Variants in EYS observed in about 807,000 individuals in gnomAD.
EYS encodes protein eyes shut homolog.
Under a neutral mutation model 282.1 loss-of-function variants are expected in EYS, and 250 were observed. The observed-to-expected ratio is 0.89, with a 90% CI of 0.80 to 0.98. The LOEUF is 0.98. EYS is among the 50% of genes least tolerant of loss of function. The probability of loss-of-function intolerance (pLI) is 0.00; values close to 1 mark genes in which losing one functional copy is unlikely to be tolerated. For synonymous variants in EYS, 1,355 were observed against 1,282.9 expected, an observed-to-expected ratio of 1.06 and a Z score of -1.20; for missense variants, 4,016 against 3,709.0, an observed-to-expected ratio of 1.08 and a Z score of -2.15.
intron 36 of EYS, among the ~76,000 whole-genome samples, chr6:63,854,157 A>G (rs925993125): frequency 3.3e-5 from 5 of 152,176 alleles, no homozygotes; most frequent in African/African-American, 1.2e-4. Flanking sequence ...ATGCATACCT[A>G]TGTTCATTGC....
intron 11 of EYS, among the ~76,000 whole-genome samples, chr6:65,334,160 C>T (rs1376318569): frequency 1.3e-5 from 2 of 151,396 alleles, no homozygotes; most frequent in African/African-American, 4.8e-5. Flanking sequence ...TTTTGTTTTC[C>T]ACATGTCTTA....
At chr6:64,859,880 C>A (rs975169765) in intron 19 of EYS, among the ~76,000 whole-genome samples, 2 of 152,158 alleles carry the variant, frequency 1.3e-5, no homozygotes, top group Non-Finnish European at 2.9e-5. Flanking sequence ...AGATTCAGTG[C>A]AAGCCCTATA....
intron 2 of EYS, among the ~76,000 whole-genome samples, chr6:65,621,663 T>A (rs1269894897): frequency 2.6e-5 from 4 of 152,128 alleles, no homozygotes; most frequent in Non-Finnish European, 5.9e-5. Flanking sequence ...GGTCTTTACA[T>A]TTTGGCATGA....
rs1253035778 is a variant in EYS at position 63,727,727 on chromosome 6, A to ATAT, written c.8072-1048_8072-1047insATA. ...CTCTCAAAAAAAAAAAAAAAAAAAA[A>ATAT]AAAAAAAAAAATATATATATATATG... On this transcript the variant is annotated intron_variant, in intron 41 of 42. Transcript: ENST00000503581. Among the ~76,000 whole-genome samples the ATAT allele has an allele frequency of 1.8e-3, 112 of 61,644 alleles. 7 individuals carry two copies. Among genetic ancestry groups the ATAT allele is most frequent in the African/African-American group, 0.014 (106 of 7,840 alleles). The allele number at this position is 61,644 out of a possible 152,430, so 40.4% of individuals were successfully genotyped here.
intron 19 of EYS, among the ~76,000 whole-genome samples, chr6:64,870,367 G>C (rs1766553326): frequency 6.7e-6 from 1 of 150,126 alleles, no homozygotes; most frequent in African/African-American, 2.4e-5. Flanking sequence ...TACAGAGTCA[G>C]CTTACAACAA....
chr6:65,193,265 G>C (rs891148590), intron 12 of EYS, among the ~76,000 whole-genome samples: 22 of 151,996 alleles, frequency 1.4e-4, no homozygotes, highest in African/African-American at 5.3e-4. Context: ...CAGGTTCACA[G>C]TGCTAGTAAT....
At chr6:64,425,124 G>A (rs1774358854) in intron 28 of EYS, among the ~76,000 whole-genome samples, 1 of 152,116 alleles carries the variant, frequency 6.6e-6, no homozygotes, top group Non-Finnish European at 1.5e-5. Flanking sequence ...CGTGTGAGAG[G>A]GAGGAAGTCA....
intron 36 of EYS, among the ~76,000 whole-genome samples, chr6:63,829,309 C>T (rs1771559465): frequency 6.6e-6 from 1 of 152,178 alleles, no homozygotes; most frequent in Admixed American, 6.5e-5. Flanking sequence ...ATTCCCTTTC[C>T]CAGCAAAGGG....
chr6:64,675,310 C>A (rs62418019), intron 22 of EYS, among the ~76,000 whole-genome samples: 16,916 of 152,104 alleles, frequency 0.11, 1,116 homozygotes, highest in East Asian at 0.16. Context: ...GCTGTCTTCC[C>A]TGACTTCAGT....
At chr6:64,047,800 A>T (rs560424849) in intron 33 of EYS, among the ~76,000 whole-genome samples, 12 of 152,170 alleles carry the variant, frequency 7.9e-5, no homozygotes, top group Non-Finnish European at 1.8e-4. Context: ...TGAATATCGC[A>T]TTGGTGGGAA....
chr6:65,672,090 A>G (rs1371688842), intron 1 of EYS, among the ~76,000 whole-genome samples: 1 of 152,126 alleles, frequency 6.6e-6, no homozygotes, highest in Non-Finnish European at 1.5e-5. Context: ...AACAAACATA[A>G]GAGCTCCAGA....
chr6:64,501,808 C>G (rs781482011), intron 26 of EYS, among the ~76,000 whole-genome samples: 12 of 152,134 alleles, frequency 7.9e-5, no homozygotes, highest in African/African-American at 1.7e-4. Flanking sequence ...GGCAAGTGAG[C>G]TTCCCTGGCA....
rs571421912 is a variant in EYS at position 64,653,202 on chromosome 6, C to T, written c.3444-26957G>A. 8.5e-5 allele frequency among the ~76,000 whole-genome samples: 13 copies of T among 152,242 alleles called. No individual in the cohort carries two copies. The East Asian group carries it at 2.3e-3, about 27-fold the overall frequency. On this transcript the variant is annotated intron_variant, in intron 22 of 42. Coordinates refer to ENST00000503581, the MANE Select transcript of EYS (RefSeq NM_001142800.2). ...TCTATAAGCCAAGGAATGCCTGATG[C>T]TACCAAAAGCTACTAGAGAGGAAAG...
chr6:63,865,766 A>G (rs911999685), intron 35 of EYS, among the ~76,000 whole-genome samples: 5 of 152,130 alleles, frequency 3.3e-5, no homozygotes, highest in Non-Finnish European at 5.9e-5. Context: ...CATTTTTTTC[A>G]TCATAATGAG....
At chr6:64,385,467 G>C (rs1263073601) in intron 29 of EYS, among the ~76,000 whole-genome samples, 1 of 152,100 alleles carries the variant, frequency 6.6e-6, no homozygotes, top group Non-Finnish European at 1.5e-5. Flanking sequence ...TTAATTTCAA[G>C]GTAACTTTAT....
intron 24 of EYS, among the ~76,000 whole-genome samples, chr6:64,612,688 GA>G (rs1403512444): frequency 6.6e-6 from 1 of 151,744 alleles, no homozygotes; most frequent in African/African-American, 2.4e-5. Flanking sequence ...CAGAAATAAA[GA>G]AAAAAACAGC....
intron 28 of EYS, among the ~76,000 whole-genome samples, chr6:64,390,412 C>T (rs1443356168): frequency 1.1e-4 from 16 of 152,154 alleles, no homozygotes; most frequent in East Asian, 3.9e-4. Flanking sequence ...TCTCCCAGCA[C>T]GCAGCTGGAG....
intron 13 of EYS, among the ~76,000 whole-genome samples, chr6:65,016,865 C>G (rs984950274): frequency 6.6e-6 from 1 of 152,120 alleles, no homozygotes; most frequent in Non-Finnish European, 1.5e-5. Flanking sequence ...GTCCTTTTTA[C>G]TAAACAGAAG....
intron 26 of EYS, among the ~76,000 whole-genome samples, chr6:64,506,908 T>TAAA (rs530521158): frequency 2.0e-5 from 2 of 97,824 alleles, no homozygotes; most frequent in Non-Finnish European, 3.7e-5. Flanking sequence ...GGCTGTGTCT[T>TAAA]AAAAAAAAAA....
Sources: allele counts gnomAD v4.1 joint callset (sites outside exome capture counted in the v4.1 genomes callset), GRCh38; gene constraint gnomAD v4.1.1; transcripts MANE v1.5; gene names NCBI Gene and HGNC (gene_info 2026-07-23, HGNC 2026-07-21).